USP16: variants seen among roughly 807,000 people sequenced by gnomAD.
USP16 encodes the protein ubiquitin carboxyl-terminal hydrolase 16.
Under a neutral mutation model 95.9 loss-of-function variants are expected in USP16, and 77 were observed. The ratio of observed to expected loss-of-function variants is 0.80; its 90% CI spans 0.67 to 0.97. The LOEUF (loss-of-function observed/expected upper bound fraction) is 0.97. USP16 is among the 50% of genes least tolerant of loss of function. The probability of loss-of-function intolerance (pLI) is 0.00; values close to 1 mark genes in which losing one functional copy is unlikely to be tolerated. For missense variants in USP16, 943 were observed against 959.9 expected, an observed-to-expected ratio of 0.98 and a Z score of 0.23; for synonymous variants, 303 against 318.2, an observed-to-expected ratio of 0.95 and a Z score of 0.51.
chr21:29,039,557 G>A lies in USP16; in HGVS notation c.940G>A (p.Glu314Lys), dbSNP rs1465272941. 1 of 1,612,772 alleles carries A rather than the reference G, an allele frequency of 6.2e-7. No homozygotes were observed. The highest frequency in any genetic ancestry group is 1.3e-5 in the African/African-American group (1 of 75,010). ...LRYLLDGMRA[E>K]EHQRVSKGIL... ...CTACTTATTGGATGGGATGAGAGCA[G>A]AAGAACACCAAGTTAGCATGTTATG... Residue 314 changes from glutamate (E) to lysine (K), a missense_variant, in exon 9 of 18, where the codon GAA (glutamate) becomes AAA (lysine). Physicochemically the swap from Glu to Lys is moderately conservative, Grantham distance 56 (BLOSUM62 1). Transcript: ENST00000399976.
chr21:29,030,172 T>C (rs752454370), intron 2 of USP16, among the ~76,000 whole-genome samples: 11 of 152,080 alleles, frequency 7.2e-5, no homozygotes, highest in Non-Finnish European at 1.5e-4. Flanking sequence ...AAAACAGCTG[T>C]GACTTGGTCA....
chr21:29,050,893 GATGT>G (rs2085403590), intron 16 of USP16, among the ~76,000 whole-genome samples: 1 of 152,216 alleles, frequency 6.6e-6, no homozygotes, highest in Non-Finnish European at 1.5e-5. Context: ...GTTACTTGTT[GATGT>G]ATGAAGGCTG....
Position 29,038,308 on chromosome 21 carries a change from CTCT to C in USP16, c.637-25_637-23del, listed in dbSNP as rs1568889181. The stretch of plus-strand genomic sequence containing the variant: ...GTTGATTTGCCTTTAAATAATTTTT[CTCT>C]TTTTTTTTCACCCTACATTCTAGAA... On this transcript the variant is annotated intron_variant, in intron 6 of 17. Coordinates refer to ENST00000399976, the MANE Select transcript of USP16 (RefSeq NM_006447.3). 5 of 1,507,886 alleles carry C rather than the reference CTCT, an allele frequency of 3.3e-6. No individual in the cohort carries two copies. The African/African-American group carries it at 7.0e-5, about 21-fold the overall frequency. The allele number at this position is 1,507,886 out of a possible 1,614,324, so 93.4% of individuals were successfully genotyped here.
At chr21:29,044,447 C>CT (rs5843364) in intron 13 of USP16, among the ~76,000 whole-genome samples, 29,099 of 120,468 alleles carry the variant, frequency 0.24, 3,725 homozygotes, top group South Asian at 0.28. Context: ...CTTCTTCATT[C>CT]TTTTTTTTTT....
At chr21:29,035,443 G>T (rs1012417258) in intron 4 of USP16, among the ~76,000 whole-genome samples, 3 of 149,042 alleles carry the variant, frequency 2.0e-5, no homozygotes, top group Non-Finnish European at 4.4e-5. Flanking sequence ...GTGTGATCTC[G>T]GCTCACCACA....
rs1314018482 is a variant in USP16 at position 29,043,745 on chromosome 21, A to G, written c.1356+146A>G. On this transcript the variant is annotated intron_variant, in intron 13 of 17. Transcript: ENST00000399976. ...AATTACAGAATTTAGCTCATTTAGT[A>G]TTCTCTGCAGGGAAATTGCTTTGAG... is the stretch of plus-strand genomic sequence containing the variant. 16 of 789,780 alleles carry G rather than the reference A, an allele frequency of 2.0e-5. No individual in the cohort carries two copies. In the Admixed American group the frequency reaches 6.0e-4, roughly 29 times the overall value. The allele number at this position is 789,780 out of a possible 1,614,324, so 48.9% of individuals were successfully genotyped here.
In USP16 at chr21:29,036,305, A is replaced by G. The variant is rs772452307; in HGVS notation, c.379A>G (p.Ser127Gly). ...YVCDNEVQYCSSNQLGQVVDY... is the reference protein window; with the variant it reads ...YVCDNEVQYCGSNQLGQVVDY... ...ATGTGATAATGAGGTCCAGTATTGT[A>G]GTTCAAACCAGTTGGGTCAAGTGGT... The change falls in exon 5 of 18, where the codon AGT becomes GGT. Residue 127 changes from serine (S) to glycine (G), a missense_variant. By Grantham distance (56) the Ser-to-Gly change is moderately conservative. Coordinates refer to ENST00000399976, the MANE Select transcript of USP16 (RefSeq NM_006447.3). 3.1e-6 allele frequency: 5 copies of G among 1,613,700 alleles called. No individual in the cohort carries two copies. Among genetic ancestry groups the G allele is most frequent in the African/African-American group, 1.3e-5 (1 of 74,912 alleles).
Position 29,047,031 on chromosome 21 carries a change from A to T in USP16, c.1721A>T (p.Asn574Ile), listed in dbSNP as rs780997217. The T allele has an allele frequency of 2.5e-6, 4 of 1,614,112 alleles. No homozygotes were observed. In the Admixed American group the frequency reaches 6.7e-5, roughly 27 times the overall value. ...AGCAATGGAGAAGTGGACATTTCCA[A>T]TGGTTTCAAAAACCTAAATTTGAAT... ...EGSNGEVDIS[N>I]GFKNLNLNAA... The change falls in exon 14 of 18, where the codon AAT (asparagine) becomes ATT (isoleucine). Residue 574 changes from asparagine (N) to isoleucine (I), a missense_variant. Physicochemically the swap from Asn to Ile is moderately radical, Grantham distance 149. Coordinates refer to ENST00000399976, the MANE Select transcript of USP16 (RefSeq NM_006447.3).
At chr21:29,032,730 G>T (rs1051221756) in intron 3 of USP16, among the ~76,000 whole-genome samples, 1 of 152,120 alleles carries the variant, frequency 6.6e-6, no homozygotes, top group African/African-American at 2.4e-5. Flanking sequence ...GTTAACATTT[G>T]TGTACAGGTT....
At chr21:29,050,407 G>C (rs1294653864) in intron 16 of USP16, among the ~76,000 whole-genome samples, 6 of 152,148 alleles carry the variant, frequency 3.9e-5, no homozygotes, top group African/African-American at 1.4e-4. Flanking sequence ...ACATTGTCTT[G>C]TGAGCGGAGG....
At chr21:29,051,419 TAGAGTCTGA>T (rs1196984553) in intron 16 of USP16, among the ~76,000 whole-genome samples, 2 of 152,082 alleles carry the variant, frequency 1.3e-5, no homozygotes, top group African/African-American at 4.8e-5. Flanking sequence ...CCCTTGTGTA[TAGAGTCTGA>T]AGAGAGAAAA....
At position 29,050,110 on chromosome 21, in the gene USP16, A is replaced by G; in HGVS notation, c.2125A>G (p.Lys709Glu). 1.2e-6 allele frequency: 2 copies of G among 1,613,346 alleles called. No individual in the cohort carries two copies. Among genetic ancestry groups the G allele is most frequent in the Non-Finnish European group, 1.7e-6 (2 of 1,179,752 alleles). Residue 709 changes from lysine (K) to glutamate (E), a missense_variant, in exon 16 of 18, where the codon AAA (lysine) becomes GAA (glutamate). Coordinates refer to ENST00000399976, the MANE Select transcript of USP16 (RefSeq NM_006447.3). ...RFQQAGFNLR[K>E]VNKHIKFPEI... ...CTTTTAGGCTGGTTTTAACCTACGC[A>G]AAGTTAACAAACACATAAAGTTTCC...
chr21:29,033,834 A>T (rs2085112010), intron 3 of USP16, among the ~76,000 whole-genome samples: 1 of 152,238 alleles, frequency 6.6e-6, no homozygotes, highest in Non-Finnish European at 1.5e-5. Context: ...GTATTTTCTC[A>T]TCTGGGAGAT....
At chr21:29,033,154 AC>A (rs2085102255) in intron 3 of USP16, among the ~76,000 whole-genome samples, 1 of 152,164 alleles carries the variant, frequency 6.6e-6, no homozygotes, top group African/African-American at 2.4e-5. Flanking sequence ...TTTTTGTGCT[AC>A]CTTTTTAATT....
At chr21:29,041,313 C>T (rs193177857) in intron 10 of USP16, among the ~76,000 whole-genome samples, 29 of 152,176 alleles carry the variant, frequency 1.9e-4, no homozygotes, top group African/African-American at 6.7e-4. Flanking sequence ...AGAGAATTAC[C>T]CCTGCTGGCA....
At chr21:29,027,289 C>T (rs1273601823) in intron 1 of USP16, among the ~76,000 whole-genome samples, 6 of 152,180 alleles carry the variant, frequency 3.9e-5, no homozygotes, top group African/African-American at 1.2e-4. Context: ...CAGTTGTAAT[C>T]AATTTTCATT....
Position 29,054,417 on chromosome 21 carries a change from A to G in USP16, c.*230A>G. 1 of 532,798 alleles carries G rather than the reference A, an allele frequency of 1.9e-6. No homozygotes were observed. Among genetic ancestry groups the G allele is most frequent in the Non-Finnish European group, 3.2e-6 (1 of 312,362 alleles). 33.0% of individuals were successfully genotyped at this position (532,798 alleles called of 1,614,324 possible). A position where few individuals can be genotyped will look rare whatever the true frequency, so the allele number is the denominator to read the frequency against. ...GTTTCTGGAAAGGAAATCCTGAATT[A>G]CTTAAGTACTTTGTGTTTAATATAT... is the stretch of plus-strand genomic sequence containing the variant. On this transcript the variant is annotated 3_prime_UTR_variant, in exon 18 of 18. Coordinates refer to ENST00000399976, the MANE Select transcript of USP16 (RefSeq NM_006447.3).
intron 16 of USP16, among the ~76,000 whole-genome samples, chr21:29,051,040 T>A (rs1460889826): frequency 1.3e-5 from 2 of 152,110 alleles, no homozygotes; most frequent in South Asian, 4.1e-4. Context: ...GGAGGTAGAA[T>A]TAACCAGACT....
chr21:29,052,412 G>A (rs1304419215), intron 16 of USP16: 1 of 152,260 alleles, frequency 6.6e-6, no homozygotes, highest in Non-Finnish European at 1.5e-5. Context: ...CATCTTACAT[G>A]GATGGCAGCG....
Sources: gnomAD v4.1 joint callset for allele counts (sites outside exome capture counted in the v4.1 genomes callset) on GRCh38, gnomAD v4.1.1 for gene constraint, MANE v1.5 for transcripts, NCBI Gene and HGNC (gene_info 2026-07-23, HGNC 2026-07-21) for gene names.